KANK1: variants seen among roughly 807,000 people sequenced by gnomAD.
The protein encoded by KANK1 is KN motif and ankyrin repeat domain-containing protein 1.
Under a neutral mutation model 106.2 loss-of-function variants are expected in KANK1, and 109 were observed. The observed-to-expected ratio is 1.03, with a 90% CI of 0.88 to 1.20. The LOEUF (loss-of-function observed/expected upper bound fraction) is 1.20, where lower values mean the gene tolerates loss of function less well. Among genes scored for constraint, KANK1 ranks in the 50% most tolerant of loss-of-function variants. The pLI, the probability that KANK1 is intolerant of heterozygous loss-of-function variation, is 0.00. For missense variants in KANK1, 2,399 were observed against 1,710.7 expected (o/e 1.40, Z -7.10); for synonymous variants, 873 against 652.2 (o/e 1.34, Z -5.16).
At chr9:724,378 C>G (rs1224227768) in intron 3 of KANK1, among the ~76,000 whole-genome samples, 1 of 152,118 alleles carries the variant, frequency 6.6e-6, no homozygotes, top group Non-Finnish European at 1.5e-5. Context: ...GTTTATTAAA[C>G]TATTATCTAC....
intron 2 of KANK1, among the ~76,000 whole-genome samples, chr9:701,237 G>A (rs1015904581): frequency 1.3e-5 from 2 of 151,930 alleles, no homozygotes; most frequent in Non-Finnish European, 2.9e-5. Flanking sequence ...CCTCAGCCTC[G>A]CAAGTACCTG....
chr9:714,384 CAG>C (rs1239108223), intron 3 of KANK1, among the ~76,000 whole-genome samples: 2 of 112,082 alleles, frequency 1.8e-5, no homozygotes, highest in East Asian at 2.3e-4. Flanking sequence ...TTTTTTGAGA[CAG>C]AGTCGCTCTG....
chr9:707,398 A>C (rs907365773), intron 2 of KANK1: 3 of 222,840 alleles, frequency 1.3e-5, no homozygotes, highest in Non-Finnish European at 2.3e-5. Context: ...GCCGGCTCCC[A>C]CACACACATC....
chr9:718,324 T>A (rs937324586), intron 3 of KANK1, among the ~76,000 whole-genome samples: 3 of 132,214 alleles, frequency 2.3e-5, no homozygotes, highest in East Asian at 6.1e-4. Context: ...TTTTTTTTTT[T>A]ACTCTTAAGA....
intron 2 of KANK1, among the ~76,000 whole-genome samples, chr9:694,227 C>G (rs1053011571): frequency 6.6e-6 from 1 of 152,152 alleles, no homozygotes; most frequent in Non-Finnish European, 1.5e-5. Flanking sequence ...ACTACCACCC[C>G]ACCTCCCCCT....
rs886675275 is a variant in KANK1, at chr9:744,644, G to A, written c.3996+55G>A. On this transcript the variant is annotated intron_variant, in intron 11 of 11. Transcript: ENST00000382297. The stretch of plus-strand genomic sequence containing the variant: ...TAGGCTGAAATCCACCAGACTGGTG[G>A]ACCCCCTTCCTCCAGGAATTGACGG... 4.3e-6 allele frequency: 7 copies of A among 1,613,652 alleles called. No homozygotes were observed. In the African/African-American group the frequency reaches 9.3e-5, roughly 22 times the overall value.
Position 602,765 on chromosome 9 carries a change from G to A in KANK1, c.-83-74125G>A, listed in dbSNP as rs560763923. Among the ~76,000 whole-genome samples, 466 of 151,960 alleles carry A rather than the reference G, an allele frequency of 3.1e-3. 3 individuals carry two copies. The highest frequency in any genetic ancestry group is 6.8e-3 in the Middle Eastern group (2 of 294). On this transcript the variant is annotated intron_variant, in intron 1 of 11. Coordinates refer to ENST00000382297, the MANE Select transcript of KANK1 (RefSeq NM_015158.5). Reference sequence around the variant, plus strand: ...ACAAAATATTTTAGATTGAAAGCCTGTTCTCCTTGATGATTCAGTATAACT... The same window carrying A: ...ACAAAATATTTTAGATTGAAAGCCTATTCTCCTTGATGATTCAGTATAACT...
At chr9:660,727 G>A (rs1017945145) in intron 1 of KANK1, among the ~76,000 whole-genome samples, 1 of 152,168 alleles carries the variant, frequency 6.6e-6, no homozygotes, top group African/African-American at 2.4e-5. Context: ...AAGAGGAGAG[G>A]ATGGGGTAAG....
intron 1 of KANK1, among the ~76,000 whole-genome samples, chr9:668,459 A>G (rs1328521271): frequency 6.6e-6 from 1 of 152,098 alleles, no homozygotes; most frequent in Non-Finnish European, 1.5e-5. Context: ...TTTTTTGAAT[A>G]ATGTCTCTTT....
intron 1 of KANK1, among the ~76,000 whole-genome samples, chr9:671,368 G>A (rs539299648): frequency 1.5e-4 from 23 of 151,994 alleles, no homozygotes; most frequent in African/African-American, 5.3e-4. Flanking sequence ...TACTGGGGCC[G>A]GGCGCGGTGG....
intron 1 of KANK1, among the ~76,000 whole-genome samples, chr9:662,721 G>A (rs984666083): frequency 4.3e-4 from 64 of 150,408 alleles, no homozygotes; most frequent in African/African-American, 1.6e-3. Flanking sequence ...GAGTGCAGTG[G>A]CGCGATCTCA....
chr9:665,646 T>A (rs9408659), intron 1 of KANK1, among the ~76,000 whole-genome samples: 30,706 of 152,134 alleles, frequency 0.2, 3,269 homozygotes, highest in East Asian at 0.32. Context: ...GCTTTGGTTA[T>A]TTGTGGTTCC....
chr9:634,415 C>T (rs572464237), intron 1 of KANK1, among the ~76,000 whole-genome samples: 1 of 152,278 alleles, frequency 6.6e-6, no homozygotes, highest in African/African-American at 2.4e-5. Context: ...GTCTGACAAG[C>T]ATCTCAAAAG....
chr9:524,021 A>G (rs1033270144), intron 1 of KANK1, among the ~76,000 whole-genome samples: 2 of 151,766 alleles, frequency 1.3e-5, no homozygotes, highest in Non-Finnish European at 2.9e-5. Flanking sequence ...TTGCTGTTAA[A>G]TGAGCTGCTG....
intron 1 of KANK1, among the ~76,000 whole-genome samples, chr9:611,640 A>G (rs896419328): frequency 2.6e-5 from 4 of 152,196 alleles, no homozygotes; most frequent in Admixed American, 1.3e-4. Context: ...CTGTCAAATG[A>G]CAGTGTCATT....
chr9:580,509 G>C (rs185098858), intron 1 of KANK1, among the ~76,000 whole-genome samples: 1 of 152,208 alleles, frequency 6.6e-6, no homozygotes, highest in Non-Finnish European at 1.5e-5. Context: ...ACAGGGTGCT[G>C]ATTGGTGCAT....
chr9:484,900 A>C (rs1045072858), intron 3 of KANK1, among the ~76,000 whole-genome samples: 6 of 150,844 alleles, frequency 4.0e-5, no homozygotes, highest in Non-Finnish European at 7.4e-5. Flanking sequence ...CCTTCATTGC[A>C]TTTTGCTTTG....
intron 1 of KANK1, among the ~76,000 whole-genome samples, chr9:666,627 G>A (rs567928902): frequency 1.7e-4 from 26 of 151,998 alleles, no homozygotes; most frequent in African/African-American, 5.8e-4. Context: ...CTCTGTACCC[G>A]GTTTGTTGAG....
At chr9:502,332 G>A (rs2058570555), upstream of KANK1, among the ~76,000 whole-genome samples, 1 of 152,142 alleles carries the variant, frequency 6.6e-6, no homozygotes. Flanking sequence ...TGTATGGCAT[G>A]TGAATTGTAT....
Sources: allele counts gnomAD v4.1 joint callset (sites outside exome capture counted in the v4.1 genomes callset), GRCh38; gene constraint gnomAD v4.1.1; transcripts MANE v1.5; gene names NCBI Gene and HGNC (gene_info 2026-07-23, HGNC 2026-07-21).